JARID2: variants seen among roughly 807,000 people sequenced by gnomAD.
JARID2 encodes the protein protein Jumonji.
Under a neutral mutation model 125.6 loss-of-function variants are expected in JARID2, and 21 were observed. The observed-to-expected ratio is 0.17, with a 90% CI of 0.12 to 0.24. The LOEUF (loss-of-function observed/expected upper bound fraction) is 0.24. JARID2 is among the 10% of genes least tolerant of loss of function. JARID2 has a pLI of 1.00. For missense variants in JARID2, 1,303 were observed against 1,639.6 expected (o/e 0.79, Z 3.55); for synonymous variants, 736 against 661.6 (o/e 1.11, Z -1.73).
chr6:15,481,650 C>T (rs996876891), intron 5 of JARID2, among the ~76,000 whole-genome samples: 8 of 152,108 alleles, frequency 5.3e-5, no homozygotes, highest in African/African-American at 1.7e-4. Flanking sequence ...CTTTACTTCC[C>T]GTTTAACACA....
intron 5 of JARID2, among the ~76,000 whole-genome samples, chr6:15,476,464 A>T (rs1181092462): frequency 2.0e-5 from 3 of 152,198 alleles, no homozygotes; most frequent in African/African-American, 7.2e-5. Flanking sequence ...AGGAGTCCTG[A>T]TGCCAGTAGT....
intron 3 of JARID2, among the ~76,000 whole-genome samples, chr6:15,416,666 TGGGAGACCGTGGAAAGAGAGGGAGA>T (rs1467639240): frequency 0.035 from 4,281 of 122,308 alleles, 208 homozygotes; most frequent in African/African-American, 0.12. Flanking sequence ...TTGGCATCAG[TGGGAGACCGTGGAAAGAGAGGGAGA>T]GGGAGACCGT....
chr6:15,502,740 G>C (rs1206486218), intron 8 of JARID2, among the ~76,000 whole-genome samples: 1 of 152,174 alleles, frequency 6.6e-6, no homozygotes, highest in African/African-American at 2.4e-5. Flanking sequence ...AGTTTTTCTG[G>C]CCTGAGACCC....
chr6:15,425,509 C>CT (rs1437447772), intron 3 of JARID2, among the ~76,000 whole-genome samples: 5 of 152,122 alleles, frequency 3.3e-5, no homozygotes, highest in Non-Finnish European at 5.9e-5. Flanking sequence ...GTCATGAGGG[C>CT]TGCACCCTCT....
intron 1 of JARID2, among the ~76,000 whole-genome samples, chr6:15,347,572 G>A (rs1936918310): frequency 6.6e-6 from 1 of 152,076 alleles, no homozygotes; most frequent in African/African-American, 2.4e-5. Context: ...TGTTGAGCTT[G>A]TGTAAGAAAA....
At chr6:15,462,549 C>T (rs1389767230) in intron 4 of JARID2, among the ~76,000 whole-genome samples, 1 of 152,208 alleles carries the variant, frequency 6.6e-6, no homozygotes, top group Non-Finnish European at 1.5e-5. Flanking sequence ...AAGTCCCTGC[C>T]AGCTCACTTT....
At chr6:15,298,679 CAAA>C (rs778296232) in intron 1 of JARID2, among the ~76,000 whole-genome samples, 6 of 81,284 alleles carry the variant, frequency 7.4e-5, no homozygotes, top group Non-Finnish European at 7.5e-5. Flanking sequence ...GACTCCATCT[CAAA>C]AAAAAAAAAA....
chr6:15,410,197 G>C, intron 2 of JARID2, 27 bp from the exon 3 acceptor site: 1 of 1,608,570 alleles, frequency 6.2e-7, no homozygotes, highest in Non-Finnish European at 8.5e-7. Context: ...ATGTATTTAA[G>C]TGTTTGTCCC....
chr6:15,502,169 C>T (rs1770772161), intron 8 of JARID2, among the ~76,000 whole-genome samples: 1 of 152,246 alleles, frequency 6.6e-6, no homozygotes, highest in Non-Finnish European at 1.5e-5. Context: ...GCAGCACACT[C>T]ATCCTGAGGA....
chr6:15,328,409 G>T (rs565705120), intron 1 of JARID2, among the ~76,000 whole-genome samples: 3 of 152,298 alleles, frequency 2.0e-5, no homozygotes, highest in Admixed American at 6.5e-5. Flanking sequence ...GCTGTTGCAG[G>T]TTGCAAGTTA....
At chr6:15,430,985 T>G (rs945660720) in intron 3 of JARID2, among the ~76,000 whole-genome samples, 2 of 152,228 alleles carry the variant, frequency 1.3e-5, no homozygotes, top group African/African-American at 4.8e-5. Context: ...TTGCATTCAC[T>G]GTGACAGCCT....
chr6:15,296,661 G>A (rs1396879005), intron 1 of JARID2, among the ~76,000 whole-genome samples: 2 of 152,004 alleles, frequency 1.3e-5, no homozygotes, highest in Non-Finnish European at 2.9e-5. Flanking sequence ...AGGATATTTT[G>A]TTCCCAAGCC....
chr6:15,456,898 T>TTTTTTTTTC (rs60705526), intron 4 of JARID2, among the ~76,000 whole-genome samples: 1 of 149,620 alleles, frequency 6.7e-6, no homozygotes, highest in Non-Finnish European at 1.5e-5. Context: ...TTTTTTTTTT[T>TTTTTTTTTC]ACAATCATAA....
chr6:15,496,307 A>G lies in JARID2; in HGVS notation c.1082A>G (p.Lys361Arg), dbSNP rs1035929001. Residue 361 changes from lysine (K) to arginine (R), a missense_variant, in exon 7 of 18, where the codon AAA becomes AGA. This residue lies in a region of JARID2 where 651 missense variants were observed against 581.6 expected (regional missense o/e 1.12). Coordinates refer to ENST00000341776, the MANE Select transcript of JARID2 (RefSeq NM_004973.4). ...AAGAGAGAACTGGTCAAGGACACCA[A>G]ACCCAATCACCACAAGCCCAGTTCC... ...KAKRELVKDT[K>R]PNHHKPSSAV... 6.2e-7 allele frequency: 1 copy of G among 1,614,210 alleles called. No individual in the cohort carries two copies. Among genetic ancestry groups the G allele is most frequent in the Non-Finnish European group, 8.5e-7 (1 of 1,180,040 alleles).
chr6:15,335,584 A>G (rs1328270312), intron 1 of JARID2, among the ~76,000 whole-genome samples: 1 of 152,076 alleles, frequency 6.6e-6, no homozygotes, highest in Non-Finnish European at 1.5e-5. Flanking sequence ...CTGTGTGAAC[A>G]TGGTCTTGTT....
chr6:15,332,935 C>CTTTTTTT (rs33921682), intron 1 of JARID2, among the ~76,000 whole-genome samples: 5 of 42,164 alleles, frequency 1.2e-4, no homozygotes, highest in Non-Finnish European at 2.4e-4. Context: ...CTTTTCTTTT[C>CTTTTTTT]TTTTTTTTTT....
intron 1 of JARID2, among the ~76,000 whole-genome samples, chr6:15,340,974 G>A (rs1763051756): frequency 1.3e-5 from 2 of 152,142 alleles, no homozygotes; most frequent in Admixed American, 1.3e-4. Context: ...GCAGGAAGCG[G>A]TGCTAATACA....
intron 3 of JARID2, among the ~76,000 whole-genome samples, chr6:15,432,101 G>GAA (rs557368432): frequency 4.4e-3 from 624 of 142,278 alleles, no homozygotes; most frequent in Non-Finnish European, 7.0e-3. Flanking sequence ...ACAAAGCAAT[G>GAA]AAAAAAAAAA....
intron 3 of JARID2, 113 bp from the exon 4 acceptor site, chr6:15,451,893 T>G: frequency 2.0e-6 from 2 of 1,015,540 alleles, no homozygotes; most frequent in Non-Finnish European, 2.8e-6. Flanking sequence ...AGGAAGAGTT[T>G]GCTTGAAATA....
Sources: allele counts gnomAD v4.1 joint callset (sites outside exome capture counted in the v4.1 genomes callset), GRCh38; gene constraint gnomAD v4.1.1; regional missense constraint gnomAD v4.1.1; transcripts MANE v1.5; gene names NCBI Gene and HGNC (gene_info 2026-07-23, HGNC 2026-07-21).